The following MARCHF8 variants were observed in gnomAD, a reference collection of about 807,000 sequenced individuals.
MARCHF8 encodes the protein membrane associated ring-CH-type finger 8, also known as E3 ubiquitin-protein ligase MARCHF8.
MARCHF8 carries 40 observed loss-of-function variants against 51.6 expected under a neutral mutation model. The ratio of observed to expected loss-of-function variants is 0.77; its 90% CI spans 0.60 to 1.01. The LOEUF is 1.01. Among genes scored for constraint, MARCHF8 ranks in the 50% least tolerant of loss-of-function variants. MARCHF8 has a pLI of 0.00. For missense variants in MARCHF8, 685 were observed against 708.6 expected (o/e 0.97, Z 0.38); for synonymous variants, 263 against 280.3 (o/e 0.94, Z 0.62).
chr10:45,583,408 T>C (rs1031517935), intron 1 of MARCHF8, among the ~76,000 whole-genome samples: 35 of 152,102 alleles, frequency 2.3e-4, no homozygotes, highest in Non-Finnish European at 7.4e-5. Flanking sequence ...AAGATATATA[T>C]ATGAGAATGA....
intron 1 of MARCHF8, among the ~76,000 whole-genome samples, chr10:45,541,091 ATCATGCTGT>A (rs2044045602): frequency 6.6e-6 from 1 of 152,218 alleles, no homozygotes; most frequent in African/African-American, 2.4e-5. Flanking sequence ...AGGATTATAA[ATCATGCTGT>A]TATAAAAGAC....
chr10:45,539,065 G>GAAGTA (rs2044014963), upstream of MARCHF8, among the ~76,000 whole-genome samples: 1 of 152,260 alleles, frequency 6.6e-6, no homozygotes, highest in African/African-American at 2.4e-5. Flanking sequence ...CACATAGTTG[G>GAAGTA]AAGTAAAGCT....
At chr10:45,583,307 C>T (rs948924332) in intron 1 of MARCHF8, among the ~76,000 whole-genome samples, 1 of 152,092 alleles carries the variant, frequency 6.6e-6, no homozygotes, top group South Asian at 2.1e-4. Context: ...AAAAACGGGA[C>T]AACCAATTGC....
At chr10:45,538,146 G>C (rs1341197412), upstream of MARCHF8, among the ~76,000 whole-genome samples, 2 of 152,198 alleles carry the variant, frequency 1.3e-5, no homozygotes, top group Non-Finnish European at 2.9e-5. Context: ...AGCCAGAAAA[G>C]AGTGGGGGCC....
intron 1 of MARCHF8, among the ~76,000 whole-genome samples, chr10:45,544,453 A>G (rs961633590): frequency 2.6e-5 from 4 of 152,204 alleles, no homozygotes; most frequent in Admixed American, 2.6e-4. Flanking sequence ...ATAATAGCCC[A>G]AAACTGGAAA....
intron 2 of MARCHF8, among the ~76,000 whole-genome samples, chr10:45,527,822 C>A (rs1228334969): frequency 2.0e-5 from 3 of 152,088 alleles, no homozygotes; most frequent in African/African-American, 7.2e-5. Flanking sequence ...CAATCAGTAC[C>A]CCTAATGAAC....
chr10:45,512,412 C>G (rs1487915075), intron 2 of MARCHF8, among the ~76,000 whole-genome samples: 1 of 150,406 alleles, frequency 6.6e-6, no homozygotes, highest in African/African-American at 2.4e-5. Flanking sequence ...GTCAGCCCCC[C>G]GCCCGGCCAG....
chr10:45,477,033 C>A (rs71494789), intron 3 of MARCHF8, among the ~76,000 whole-genome samples: 9,439 of 152,174 alleles, frequency 0.062, 336 homozygotes, highest in Non-Finnish European at 0.067. Context: ...TTCAAGGTCT[C>A]CTCCACAGCA....
intron 1 of MARCHF8, among the ~76,000 whole-genome samples, chr10:45,570,421 A>G (rs2044416255): frequency 6.6e-6 from 1 of 152,220 alleles, no homozygotes; most frequent in Non-Finnish European, 1.5e-5. Context: ...ACGAAGTTCC[A>G]TATCCATTCC....
At chr10:45,526,500 C>A (rs1047970656) in intron 2 of MARCHF8, among the ~76,000 whole-genome samples, 9 of 152,102 alleles carry the variant, frequency 5.9e-5, no homozygotes, top group Admixed American at 1.3e-4. Context: ...CACAGGCTTC[C>A]GAGCCCTGAG....
Position 45,463,533 on chromosome 10 carries a change from C to T in MARCHF8, c.706G>A (p.Gly236Arg). The T allele has an allele frequency of 1.3e-6, 2 of 1,550,670 alleles. No homozygotes were observed. The highest frequency in any genetic ancestry group is 1.2e-5 in the South Asian group (1 of 84,066). Residue 236 changes from glycine to arginine, a missense_variant, in exon 5 of 8, where the codon GGG (glycine) becomes AGG (arginine). Gly to Arg is a moderately radical substitution (Grantham distance 125, BLOSUM62 -2). Coordinates refer to ENST00000453424, the MANE Select transcript of MARCHF8 (RefSeq NM_001282866.2). ...TCCAGCAGCAGGCCGGGCCTGCCCCCCTTGCCAGCTTCCACCTCTGAGGCA... is the reference window on the plus strand; with the variant it reads ...TCCAGCAGCAGGCCGGGCCTGCCCCTCTTGCCAGCTTCCACCTCTGAGGCA... ...STASEVEAGK[G>R]GRPGLLLEEK...
intron 1 of MARCHF8, among the ~76,000 whole-genome samples, chr10:45,590,926 AAT>A (rs1310845624): frequency 2.0e-5 from 3 of 152,192 alleles, no homozygotes; most frequent in African/African-American, 7.2e-5. Flanking sequence ...AAGAAGTGAA[AAT>A]AGTCTTAACT....
chr10:45,459,736 T>A, intron 6 of MARCHF8: 2 of 985,386 alleles, frequency 2.0e-6, no homozygotes, highest in Non-Finnish European at 2.4e-6. Context: ...CAGAAGACGC[T>A]CACTCTTTGG....
chr10:45,553,062 G>A (rs1345061276), intron 1 of MARCHF8: 3 of 151,918 alleles, frequency 2.0e-5, no homozygotes, highest in African/African-American at 7.3e-5. Flanking sequence ...TAAAAGACTA[G>A]AAAACAACAC....
chr10:45,550,571 T>C (rs75519676), intron 1 of MARCHF8, among the ~76,000 whole-genome samples: 3,682 of 152,288 alleles, frequency 0.024, 149 homozygotes, highest in African/African-American at 0.083. Context: ...CATACTGCAG[T>C]AAACCAGAAA....
At chr10:45,482,081 T>C (rs2042897519) in intron 3 of MARCHF8, among the ~76,000 whole-genome samples, 1 of 151,944 alleles carries the variant, frequency 6.6e-6, no homozygotes, top group Admixed American at 6.6e-5. Flanking sequence ...CTATACAAAA[T>C]AAAATACCTA....
chr10:45,569,622 G>A (rs1167240875), intron 1 of MARCHF8, among the ~76,000 whole-genome samples: 1 of 152,140 alleles, frequency 6.6e-6, no homozygotes, highest in Non-Finnish European at 1.5e-5. Flanking sequence ...AAACAGGAGG[G>A]CAGAGCGTCA....
chr10:45,581,401 G>A (rs975239157), intron 1 of MARCHF8, among the ~76,000 whole-genome samples: 1 of 152,174 alleles, frequency 6.6e-6, no homozygotes, highest in African/African-American at 2.4e-5. Flanking sequence ...CCAGTGGTTA[G>A]AGGAGACCTG....
chr10:45,527,938 A>G (rs893810095), intron 2 of MARCHF8, among the ~76,000 whole-genome samples: 2 of 152,240 alleles, frequency 1.3e-5, no homozygotes, highest in African/African-American at 2.4e-5. Context: ...GGATACAAGT[A>G]GGGTTTAACA....
Sources: allele counts gnomAD v4.1 joint callset (sites outside exome capture counted in the v4.1 genomes callset), GRCh38; gene constraint gnomAD v4.1.1; transcripts MANE v1.5; gene names NCBI Gene and HGNC (gene_info 2026-07-23, HGNC 2026-07-21).